The following GRM5 variants were observed in gnomAD, a reference collection of about 807,000 sequenced individuals.
The protein encoded by GRM5 is glutamate metabotropic receptor 5.
Under a neutral mutation model 83.1 loss-of-function variants are expected in GRM5, and 19 were observed. That is an observed-to-expected ratio of 0.23 (90% CI 0.16 to 0.34). The LOEUF is 0.34. GRM5 is among the 10% of genes least tolerant of loss of function. GRM5 has a pLI of 1.00. For missense variants in GRM5, 1,160 were observed against 1,588.3 expected (o/e 0.73, Z 4.58); for synonymous variants, 675 against 633.6 (o/e 1.07, Z -0.98).
chr11:88,513,486 A>G (rs1311158408), intron 9 of GRM5, among the ~76,000 whole-genome samples: 2 of 152,292 alleles, frequency 1.3e-5, no homozygotes, highest in East Asian at 3.9e-4. Flanking sequence ...CCTTTAATCA[A>G]TAGTACTCAA....
chr11:88,783,822 C>A (rs1591513619), intron 3 of GRM5, among the ~76,000 whole-genome samples: 1 of 151,982 alleles, frequency 6.6e-6, no homozygotes, highest in African/African-American at 2.4e-5. Context: ...AAAATACCTA[C>A]TTTTCAGGGT....
At chr11:88,515,824 G>T (rs1941504732) in intron 9 of GRM5, among the ~76,000 whole-genome samples, 1 of 152,204 alleles carries the variant, frequency 6.6e-6, no homozygotes, top group South Asian at 2.1e-4. Flanking sequence ...TCTAGAAGCT[G>T]CTGCAGTCAG....
chr11:89,044,559 G>C (rs921777605), intron 2 of GRM5, among the ~76,000 whole-genome samples: 1 of 152,038 alleles, frequency 6.6e-6, no homozygotes, highest in Non-Finnish European at 1.5e-5. Context: ...AAACACATAG[G>C]CAATTAGGAG....
chr11:89,017,615 A>G (rs1940890600), intron 2 of GRM5, among the ~76,000 whole-genome samples: 1 of 152,212 alleles, frequency 6.6e-6, no homozygotes, highest in African/African-American at 2.4e-5. Context: ...CAGAAGCTGA[A>G]TGGCCAAGGT....
chr11:88,668,200 C>T (rs892264529), intron 3 of GRM5, among the ~76,000 whole-genome samples: 7 of 127,810 alleles, frequency 5.5e-5, no homozygotes, highest in African/African-American at 1.9e-4. Flanking sequence ...TTTAAAACAT[C>T]TGCAGAAACT....
At chr11:88,570,571 ATTTTTT>A (rs1194098388) in intron 7 of GRM5, among the ~76,000 whole-genome samples, 780 of 46,160 alleles carry the variant, frequency 0.017, 4 homozygotes, top group East Asian at 0.053. Flanking sequence ...ATATATATAT[ATTTTTT>A]TTTTTTTTTT....
At chr11:88,546,284 T>C (rs1349798106) in intron 8 of GRM5, among the ~76,000 whole-genome samples, 4 of 152,100 alleles carry the variant, frequency 2.6e-5, no homozygotes, top group Non-Finnish European at 5.9e-5. Context: ...TTATGTTTTA[T>C]TGGCATTCTC....
intron 2 of GRM5, among the ~76,000 whole-genome samples, chr11:89,032,976 T>C (rs1348351232): frequency 2.0e-5 from 3 of 151,986 alleles, no homozygotes; most frequent in Non-Finnish European, 4.4e-5. Context: ...AAAGACACCA[T>C]TAATGAAGTC....
chr11:88,664,635 C>T (rs187012514), intron 3 of GRM5, among the ~76,000 whole-genome samples: 1,917 of 151,848 alleles, frequency 0.013, 63 homozygotes, highest in Non-Finnish European at 0.013. Flanking sequence ...TTAGTTGTGA[C>T]GGGGTTTCAC....
intron 2 of GRM5, among the ~76,000 whole-genome samples, chr11:88,948,808 A>C (rs1200604992): frequency 6.6e-6 from 1 of 152,248 alleles, no homozygotes. Flanking sequence ...TTCAAAATGC[A>C]CAATAAAAGG....
At chr11:88,683,886 A>G (rs1413540058) in intron 3 of GRM5, among the ~76,000 whole-genome samples, 2 of 152,240 alleles carry the variant, frequency 1.3e-5, no homozygotes, top group Non-Finnish European at 2.9e-5. Flanking sequence ...TAGATAGATA[A>G]TATATTTAGA....
chr11:89,016,228 T>C (rs1940851406), intron 2 of GRM5, among the ~76,000 whole-genome samples: 1 of 149,434 alleles, frequency 6.7e-6, no homozygotes, highest in Admixed American at 6.7e-5. Flanking sequence ...TATTTATATA[T>C]ACCATAAAAC....
At chr11:88,951,481 C>T (rs1590991010) in intron 2 of GRM5, among the ~76,000 whole-genome samples, 1 of 152,144 alleles carries the variant, frequency 6.6e-6, no homozygotes, top group Non-Finnish European at 1.5e-5. Flanking sequence ...TTGTGTTGGA[C>T]GGTAAGAGCT....
chr11:88,731,465 G>A (rs576757323), intron 3 of GRM5, among the ~76,000 whole-genome samples: 31 of 152,066 alleles, frequency 2.0e-4, no homozygotes, highest in African/African-American at 5.8e-4. Flanking sequence ...TCTCTATGCC[G>A]TCACATCACT....
chr11:88,793,046 T>G (rs1312167433), intron 3 of GRM5, among the ~76,000 whole-genome samples: 2 of 152,094 alleles, frequency 1.3e-5, no homozygotes, highest in Non-Finnish European at 2.9e-5. Flanking sequence ...GCACTAGCCT[T>G]ATGTTTATGA....
chr11:89,045,141 C>G (rs1428558689), intron 2 of GRM5, among the ~76,000 whole-genome samples: 1 of 152,134 alleles, frequency 6.6e-6, no homozygotes, highest in African/African-American at 2.4e-5. Context: ...TTGTTCTCTC[C>G]TGAATCCTGG....
At chr11:88,988,675 TA>T (rs1939838029) in intron 2 of GRM5, among the ~76,000 whole-genome samples, 1 of 151,570 alleles carries the variant, frequency 6.6e-6, no homozygotes, top group Non-Finnish European at 1.5e-5. Flanking sequence ...GCAGAAACCC[TA>T]CAAGCCAGAA....
intron 4 of GRM5, among the ~76,000 whole-genome samples, chr11:88,645,629 G>A (rs1039889543): frequency 2.6e-5 from 4 of 152,100 alleles, no homozygotes; most frequent in East Asian, 3.8e-4. Flanking sequence ...TTAAGAATGG[G>A]AGTAACATTG....
intron 3 of GRM5, among the ~76,000 whole-genome samples, chr11:88,785,077 A>G (rs943888412): frequency 3.3e-5 from 5 of 152,034 alleles, no homozygotes; most frequent in South Asian, 2.1e-4. Flanking sequence ...AATTACTAGA[A>G]TTAAACAGAC....
Sources: allele counts gnomAD v4.1 joint callset (sites outside exome capture counted in the v4.1 genomes callset), GRCh38; gene constraint gnomAD v4.1.1; transcripts MANE v1.5; gene names NCBI Gene and HGNC (gene_info 2026-07-23, HGNC 2026-07-21).